ALMS1: variants seen among roughly 807,000 people sequenced by gnomAD.
The protein encoded by ALMS1 is centrosome-associated protein ALMS1.
Under a neutral mutation model 352.2 loss-of-function variants are expected in ALMS1, and 271 were observed. The observed-to-expected ratio is 0.77, with a 90% CI of 0.70 to 0.85. The LOEUF is 0.85. Among genes scored for constraint, ALMS1 ranks in the 40% least tolerant of loss-of-function variants. The pLI is 0.00. For missense variants in ALMS1, 5,445 were observed against 4,870.7 expected, an observed-to-expected ratio of 1.12 and a Z score of -3.51; for synonymous variants, 1,865 against 1,761.2, an observed-to-expected ratio of 1.06 and a Z score of -1.48.
intron 11 of ALMS1, among the ~76,000 whole-genome samples, chr2:73,526,811 A>T (rs970879356): frequency 6.6e-6 from 1 of 152,130 alleles, no homozygotes; most frequent in South Asian, 2.1e-4. Flanking sequence ...GCTATGTTGA[A>T]TAACGGTTTT....
At chr2:73,388,030 G>C (rs1243992590) in intron 1 of ALMS1, among the ~76,000 whole-genome samples, 1 of 152,152 alleles carries the variant, frequency 6.6e-6, no homozygotes, top group Admixed American at 6.5e-5. Context: ...TGGAGGTGGT[G>C]GCTGTGAGTG....
At position 73,489,564 on chromosome 2, in the gene ALMS1, G is replaced by T. The variant is rs974349409; in HGVS notation, c.7675-70G>T. ...CTTAGCGTGGGTATAAAACTGATTT[G>T]TATAAAACTGATTTGTTTATAACTA... On this transcript the variant is annotated intron_variant, in intron 9 of 22. Coordinates refer to ENST00000613296, the MANE Select transcript of ALMS1 (RefSeq NM_001378454.1). 9 of 1,569,576 alleles carry T rather than the reference G, an allele frequency of 5.7e-6. No homozygotes were observed. In the African/African-American group the frequency reaches 1.2e-4, roughly 21 times the overall value.
At chr2:73,484,244 C>T (rs1166289820) in intron 9 of ALMS1, among the ~76,000 whole-genome samples, 2 of 151,710 alleles carry the variant, frequency 1.3e-5, no homozygotes, top group Admixed American at 1.3e-4. Context: ...GTGCTTCCTT[C>T]AGGAGCTCTT....
intron 9 of ALMS1, among the ~76,000 whole-genome samples, chr2:73,473,179 C>T (rs1672502976): frequency 6.6e-6 from 1 of 151,948 alleles, no homozygotes; most frequent in African/African-American, 2.4e-5. Flanking sequence ...GATGTGAAGG[C>T]TAAGATATAG....
intron 21 of ALMS1, among the ~76,000 whole-genome samples, chr2:73,605,169 G>A (rs531889482): frequency 6.6e-6 from 1 of 152,130 alleles, no homozygotes; most frequent in East Asian, 1.9e-4. Flanking sequence ...AAGTGGGTCT[G>A]TGACTTCAGG....
chr2:73,605,340 A>G (rs1258170991), intron 21 of ALMS1, among the ~76,000 whole-genome samples: 4 of 152,200 alleles, frequency 2.6e-5, no homozygotes, highest in African/African-American at 9.7e-5. Context: ...GATGTTTTTC[A>G]TGTTATCTAA....
intron 16 of ALMS1, among the ~76,000 whole-genome samples, chr2:73,585,741 T>TTTTTTTTTTC (rs1553420024): frequency 6.7e-6 from 1 of 148,636 alleles, no homozygotes; most frequent in Non-Finnish European, 1.5e-5. Context: ...TTTTTTTTTT[T>TTTTTTTTTTC]CCCCGAGACG....
At chr2:73,512,228 G>A (rs1673467430) in intron 10 of ALMS1, among the ~76,000 whole-genome samples, 1 of 152,048 alleles carries the variant, frequency 6.6e-6, no homozygotes, top group South Asian at 2.1e-4. Context: ...GGGACTACAG[G>A]TGCGTACCAC....
At chr2:73,540,907 T>G (rs1674162543) in intron 12 of ALMS1, among the ~76,000 whole-genome samples, 1 of 152,170 alleles carries the variant, frequency 6.6e-6, no homozygotes, top group African/African-American at 2.4e-5. Flanking sequence ...AGACTTAGAC[T>G]CCCACACAAT....
At chr2:73,520,388 G>C (rs962835406) in intron 11 of ALMS1, among the ~76,000 whole-genome samples, 2 of 152,138 alleles carry the variant, frequency 1.3e-5, no homozygotes, top group Admixed American at 1.3e-4. Flanking sequence ...TATATAGTGC[G>C]TATATAGGGA....
At chr2:73,484,809 C>T (rs1326013017) in intron 9 of ALMS1, among the ~76,000 whole-genome samples, 1 of 152,212 alleles carries the variant, frequency 6.6e-6, no homozygotes, top group African/African-American at 2.4e-5. Context: ...TCCCTTCTCG[C>T]TTCATTTCAT....
rs554310204 is a variant in ALMS1, at chr2:73,390,627, G to T, written c.324+4435G>T. Among the ~76,000 whole-genome samples, 75 of 152,308 alleles carry T rather than the reference G, an allele frequency of 4.9e-4. No homozygotes were observed. In the South Asian group the frequency reaches 0.015, roughly 30 times the overall value. ...ATGTTGTTTTTATGCTGGTCCTACA[G>T]ACCATTCAGGCACTTCTTGTAATTC... On this transcript the variant is annotated intron_variant, in intron 1 of 22. Transcript: ENST00000613296.
intron 10 of ALMS1, among the ~76,000 whole-genome samples, chr2:73,512,132 C>T (rs1409609691): frequency 6.6e-6 from 1 of 152,098 alleles, no homozygotes; most frequent in African/African-American, 2.4e-5. Flanking sequence ...GTAGCATGAT[C>T]TCAGCTCAGT....
intron 3 of ALMS1, among the ~76,000 whole-genome samples, chr2:73,420,112 A>G (rs1249842111): frequency 6.6e-6 from 1 of 152,222 alleles, no homozygotes; most frequent in Non-Finnish European, 1.5e-5. Context: ...GACAAAAGAG[A>G]AGACTTTGCT....
At position 73,601,384 on chromosome 2, in the gene ALMS1, G is replaced by A. The variant is rs767131644; in HGVS notation, c.12062G>A (p.Gly4021Asp). 1.2e-6 allele frequency: 2 copies of A among 1,614,114 alleles called. No individual in the cohort carries two copies. The highest frequency in any genetic ancestry group is 2.2e-5 in the East Asian group (1 of 44,872). Residue 4021 changes from glycine to aspartate, a missense_variant, in exon 19 of 23, where the codon GGC becomes GAC. Transcript: ENST00000613296. Reference sequence around the variant, plus strand: ...GGTCGGGGCTACCTGGCAGGCCCAGGCAGAGAGGCTGGCAGAGACCTACTG... The same window carrying A: ...GGTCGGGGCTACCTGGCAGGCCCAGACAGAGAGGCTGGCAGAGACCTACTG... ...LDGRGYLAGP[G>D]REAGRDLLRP...
chr2:73,386,029 T>G lies in ALMS1; in HGVS notation c.161T>G (p.Leu54Trp), dbSNP rs755760721. 1 of 1,556,812 alleles carries G rather than the reference T, an allele frequency of 6.4e-7. No homozygotes were observed. The highest frequency in any genetic ancestry group is 1.9e-5 in the Admixed American group (1 of 51,954). The change falls in exon 1 of 23, where the codon TTG (leucine) becomes TGG (tryptophan). Residue 54 changes from leucine (L) to tryptophan (W), a missense_variant. Leu to Trp is a moderately conservative substitution (Grantham distance 61). Transcript: ENST00000613296. The part of the protein sequence containing the change: ...EEVEEEAGRE[L>W]DSDSHYGPQH... ...GTGGAGGAAGAGGCGGGGCGGGAGTTGGACTCCGACTCTCACTACGGGCCC... is the reference window on the plus strand; with the variant it reads ...GTGGAGGAAGAGGCGGGGCGGGAGTGGGACTCCGACTCTCACTACGGGCCC...
At chr2:73,427,975 G>A (rs186180519) in intron 6 of ALMS1, among the ~76,000 whole-genome samples, 1 of 152,224 alleles carries the variant, frequency 6.6e-6, no homozygotes, top group African/African-American at 2.4e-5. Flanking sequence ...TTTAGGTTCA[G>A]ATTGTTGGTA....
At chr2:73,494,491 C>CT (rs2103905728) in intron 10 of ALMS1, among the ~76,000 whole-genome samples, 1 of 152,114 alleles carries the variant, frequency 6.6e-6, no homozygotes, top group South Asian at 2.1e-4. Context: ...ACAAATGAAC[C>CT]TTTTTTGTTT....
intron 16 of ALMS1, among the ~76,000 whole-genome samples, chr2:73,583,908 G>C (rs760481923): frequency 6.6e-5 from 10 of 152,152 alleles, no homozygotes; most frequent in Non-Finnish European, 1.3e-4. Context: ...TTCAAATCAG[G>C]AAGTGTGAAT....
Sources: gnomAD v4.1 joint callset for allele counts (sites outside exome capture counted in the v4.1 genomes callset) on GRCh38, gnomAD v4.1.1 for gene constraint, MANE v1.5 for transcripts, NCBI Gene and HGNC (gene_info 2026-07-23, HGNC 2026-07-21) for gene names.